Variants in FOXA1 observed in about 807,000 individuals in gnomAD.
FOXA1 encodes forkhead box A1, also known as hepatocyte nuclear factor 3-alpha.
Under a neutral mutation model 29.2 loss-of-function variants are expected in FOXA1, and 9 were observed. The observed-to-expected ratio is 0.31, with a 90% CI of 0.19 to 0.54. FOXA1 has a LOEUF of 0.54. Among genes scored for constraint, FOXA1 ranks in the 20% least tolerant of loss-of-function variants. The pLI is 0.95. For synonymous variants in FOXA1, 340 were observed against 300.9 expected (o/e 1.13, Z -1.34); for missense variants, 644 against 681.2 (o/e 0.95, Z 0.61).
Position 37,591,017 on chromosome 14 carries a change from A to T in FOXA1, c.*348T>A. The T allele has an allele frequency of 2.4e-6, 1 of 411,756 alleles. No individual in the cohort carries two copies. The highest frequency in any genetic ancestry group is 4.5e-6 in the Non-Finnish European group (1 of 223,530). 25.5% of individuals were successfully genotyped at this position (411,756 alleles called of 1,614,324 possible). A position where few individuals can be genotyped will look rare whatever the true frequency, so the allele number is the denominator to read the frequency against. ...CCATCTTCCTTTTTTGTTTTTTTAA[A>T]TAACCCTCCACAAACTAGAATGTCT... On this transcript the variant is annotated 3_prime_UTR_variant, in exon 2 of 2. Coordinates refer to ENST00000250448, the MANE Select transcript of FOXA1 (RefSeq NM_004496.5).
At position 37,594,933 on chromosome 14, in the gene FOXA1, C is replaced by A; in HGVS notation, c.40G>T (p.Asp14Tyr). 6.3e-7 allele frequency: 1 copy of A among 1,579,446 alleles called. No individual in the cohort carries two copies. Among genetic ancestry groups the A allele is most frequent in the Non-Finnish European group, 8.6e-7 (1 of 1,157,562 alleles). The change falls in exon 1 of 2, where the codon GAC becomes TAC. Residue 14 changes from aspartate to tyrosine, a missense_variant. Asp to Tyr is a radical substitution (Grantham distance 160, BLOSUM62 -3). Transcript: ENST00000250448. Reference protein sequence around the residue: ...TVKMEGHETSDWNSYYADTQE... With the variant: ...TVKMEGHETSYWNSYYADTQE... ...GTGTCTGCGTAGTAGCTGTTCCAGT[C>A]GCTGGTTTCATGCCCTTCCATCTTC...
intron 1 of FOXA1, chr14:37,594,253 T>C (rs1317370944): frequency 7.9e-6 from 10 of 1,265,006 alleles, no homozygotes; most frequent in Non-Finnish European, 9.2e-6. Context: ...TTTGTGCACA[T>C]TGTAAAAATA....
rs1326558043 is a variant in FOXA1 at position 37,590,628 on chromosome 14, T to C, written c.*737A>G. 8.8e-6 allele frequency: 2 copies of C among 227,212 alleles called. No individual in the cohort carries two copies. Among genetic ancestry groups the C allele is most frequent in the African/African-American group, 2.2e-5 (1 of 44,986 alleles). 14.1% of individuals were successfully genotyped at this position (227,212 alleles called of 1,614,324 possible). A position where few individuals can be genotyped will look rare whatever the true frequency, so the allele number is the denominator to read the frequency against. On this transcript the variant is annotated 3_prime_UTR_variant, in exon 2 of 2. Transcript: ENST00000250448. Reference sequence around the variant, plus strand: ...CGGTCAAGCAACTCTTGAGAATGTATCATGTATATCACCTATCTATTACCT... The same window carrying C: ...CGGTCAAGCAACTCTTGAGAATGTACCATGTATATCACCTATCTATTACCT...
intron 1 of FOXA1, chr14:37,594,243 T>A: frequency 7.9e-7 from 1 of 1,270,452 alleles, no homozygotes; most frequent in Non-Finnish European, 1.0e-6. Flanking sequence ...CTGTAATCCT[T>A]TTGTGCACAT....
intron 1 of FOXA1, 30 bp from the exon 2 acceptor site, chr14:37,592,741 C>T: frequency 6.2e-7 from 1 of 1,605,646 alleles, no homozygotes; most frequent in East Asian, 2.2e-5. Context: ...TGAAGAAGCC[C>T]CGGAGGGCGG....
intron 1 of FOXA1, 66 bp from the exon 2 acceptor site, chr14:37,592,777 G>GC: frequency 1.9e-6 from 3 of 1,592,880 alleles, no homozygotes; most frequent in Non-Finnish European, 2.6e-6. Context: ...CTGGAGGGCG[G>GC]CCGTCCGGGA....
chr14:37,591,880 T>G lies in FOXA1; in HGVS notation c.904A>C (p.Asn302His), dbSNP rs2095596026. The G allele has an allele frequency of 6.9e-7, 1 of 1,455,198 alleles. No homozygotes were observed. Among genetic ancestry groups the G allele is most frequent in the African/African-American group, 1.4e-5 (1 of 69,988 alleles). The allele number at this position is 1,455,198 out of a possible 1,614,324, so 90.1% of individuals were successfully genotyped here. A position where few individuals can be genotyped will look rare whatever the true frequency, so the allele number is the denominator to read the frequency against. ...ESRKDPSGASNPSADSPLHRG... is the reference protein window; with the variant it reads ...ESRKDPSGASHPSADSPLHRG... ...TGGAGGGGCGAGTCGGCGCTGGGGT[T>G]AGAGGCGCCAGAGGGGTCCTTGCGG... Residue 302 changes from asparagine to histidine, a missense_variant, in exon 2 of 2, where the codon AAC becomes CAC. Transcript: ENST00000250448.
intron 1 of FOXA1, 102 bp downstream of exon 1, chr14:37,594,799 G>C (rs2095600460): frequency 4.0e-5 from 29 of 720,068 alleles, no homozygotes; most frequent in Non-Finnish European, 5.0e-5. Context: ...AGGCGCCCCC[G>C]GCCCGCCTGC....
Position 37,590,921 on chromosome 14 carries a change from C to G in FOXA1, c.*444G>C, listed in dbSNP as rs2095594839. On this transcript the variant is annotated 3_prime_UTR_variant, in exon 2 of 2. Transcript: ENST00000250448. ...ATTCTTATGGTTAAGAGTATTGCCACAGACCTGTAAACTCGTAGGGGGTCA... is the reference window on the plus strand; with the variant it reads ...ATTCTTATGGTTAAGAGTATTGCCAGAGACCTGTAAACTCGTAGGGGGTCA... The G allele has an allele frequency of 2.8e-6, 1 of 358,334 alleles. No homozygotes were observed. The highest frequency in any genetic ancestry group is 2.1e-5 in the African/African-American group (1 of 48,450). The allele number at this position is 358,334 out of a possible 1,614,324, so 22.2% of individuals were successfully genotyped here.
At position 37,592,148 on chromosome 14, in the gene FOXA1, C is replaced by T; in HGVS notation, c.636G>A (p.Gln212=). ...DLFPYYRQNQ[Q]RWQNSIRHSL... is the part of the protein sequence containing the mutation. ...AGTGGCGGATGGAGTTCTGCCAGCG[C>T]TGCTGGTTCTGCCGGTAATAGGGGA... The change falls in exon 2 of 2, where the codon CAG becomes CAA. Residue 212 remains glutamine (Q), a synonymous_variant. Coordinates refer to ENST00000250448, the MANE Select transcript of FOXA1 (RefSeq NM_004496.5). 6.2e-7 allele frequency: 1 copy of T among 1,613,356 alleles called. No homozygotes were observed. The highest frequency in any genetic ancestry group is 1.3e-5 in the African/African-American group (1 of 75,008).
At position 37,591,023 on chromosome 14, in the gene FOXA1, C is replaced by T; in HGVS notation, c.*342G>A. On this transcript the variant is annotated 3_prime_UTR_variant, in exon 2 of 2. Transcript: ENST00000250448. Reference sequence around the variant, plus strand: ...TCCTTTTTTGTTTTTTTAAATAACCCTCCACAAACTAGAATGTCTGGAGGG... The same window carrying T: ...TCCTTTTTTGTTTTTTTAAATAACCTTCCACAAACTAGAATGTCTGGAGGG... The T allele has an allele frequency of 2.4e-6, 1 of 417,498 alleles. No homozygotes were observed. Among genetic ancestry groups the T allele is most frequent in the South Asian group, 2.7e-5 (1 of 37,032 alleles). 25.9% of individuals were successfully genotyped at this position (417,498 alleles called of 1,614,324 possible).
intron 1 of FOXA1, chr14:37,594,092 C>A: frequency 7.9e-7 from 1 of 1,264,616 alleles, no homozygotes. Context: ...GCTTTATTTT[C>A]TTTCCCTCTT....
chr14:37,593,938 A>T, intron 1 of FOXA1: 1 of 487,206 alleles, frequency 2.1e-6, no homozygotes, highest in Non-Finnish European at 3.0e-6. Flanking sequence ...AGATTTAAAT[A>T]GGAACACCCA....
At position 37,594,961 on chromosome 14, in the gene FOXA1, A is replaced by G; in HGVS notation, c.12T>C (p.Thr4=). The G allele has an allele frequency of 6.4e-7, 1 of 1,571,500 alleles. No individual in the cohort carries two copies. The highest frequency in any genetic ancestry group is 8.7e-7 in the Non-Finnish European group (1 of 1,152,506). The change falls in exon 1 of 2, where the codon ACT becomes ACC. Residue 4 remains threonine, a synonymous_variant. Coordinates refer to ENST00000250448, the MANE Select transcript of FOXA1 (RefSeq NM_004496.5). MLG[T]VKMEGHETSD... ...TGGTTTCATGCCCTTCCATCTTCACAGTTCCTAACATCCTGGAGCCACCCT... is the reference window on the plus strand; with the variant it reads ...TGGTTTCATGCCCTTCCATCTTCACGGTTCCTAACATCCTGGAGCCACCCT...
In FOXA1 at chr14:37,589,850, TC is replaced by T; in HGVS notation, c.*1514del. 1 of 230,506 alleles carries T rather than the reference TC, an allele frequency of 4.3e-6. No homozygotes were observed. Among genetic ancestry groups the T allele is most frequent in the Non-Finnish European group, 8.6e-6 (1 of 116,408 alleles). The allele number at this position is 230,506 out of a possible 1,614,324, so 14.3% of individuals were successfully genotyped here. A position where few individuals can be genotyped will look rare whatever the true frequency, so the allele number is the denominator to read the frequency against. ...TCACTCCTTTTTACTAGCTACACAT[TC>T]ATTATAACAACAGACAAAACAATTT... On this transcript the variant is annotated 3_prime_UTR_variant, in exon 2 of 2. Coordinates refer to ENST00000250448, the MANE Select transcript of FOXA1 (RefSeq NM_004496.5).
At chr14:37,592,925 A>T (rs564460969) in intron 1 of FOXA1, among the ~76,000 whole-genome samples, 1 of 152,336 alleles carries the variant, frequency 6.6e-6, no homozygotes, top group African/African-American at 2.4e-5. Context: ...GCAGGCATGA[A>T]AGATAAACGC....
chr14:37,592,743 G>A (rs200547031), intron 1 of FOXA1, 32 bp from the exon 2 acceptor site: 18 of 1,605,008 alleles, frequency 1.1e-5, no homozygotes, highest in Non-Finnish European at 1.4e-5. Flanking sequence ...AAGAAGCCCC[G>A]GAGGGCGGGG....
In FOXA1 at chr14:37,592,480, T is replaced by C. The variant is rs2139183600; in HGVS notation, c.304A>G (p.Thr102Ala). The C allele has an allele frequency of 6.2e-7, 1 of 1,608,142 alleles. No individual in the cohort carries two copies. ...AMNSMTAAGV[T>A]AMGTALSPSG... Reference sequence around the variant, plus strand: ...GGGCTCAGCGCCGTACCCATGGCCGTCACGCCGGCCGCAGTCATGCTGTTC... The same window carrying C: ...GGGCTCAGCGCCGTACCCATGGCCGCCACGCCGGCCGCAGTCATGCTGTTC... Residue 102 changes from threonine (T) to alanine (A), a missense_variant, in exon 2 of 2, where the codon ACG becomes GCG. Coordinates refer to ENST00000250448, the MANE Select transcript of FOXA1 (RefSeq NM_004496.5).
rs2139183138 is a variant in FOXA1, at chr14:37,592,358, C to T, written c.426G>A (p.Ala142=). The T allele has an allele frequency of 6.3e-7, 1 of 1,598,192 alleles. No homozygotes were observed. The highest frequency in any genetic ancestry group is 8.5e-7 in the Non-Finnish European group (1 of 1,173,976). Residue 142 remains alanine (A), a synonymous_variant, in exon 2 of 2, where the codon GCG becomes GCA. Coordinates refer to ENST00000250448, the MANE Select transcript of FOXA1 (RefSeq NM_004496.5). ...AAMNPCMSPM[A]YAPSNLGRSR... is the part of the protein sequence containing the mutation. ...TGCGGCCCAGGTTGGACGGCGCGTA[C>T]GCCATGGGGCTCATGCACGGGTTCA... is the stretch of plus-strand genomic sequence containing the variant.
Sources: allele counts gnomAD v4.1 joint callset (sites outside exome capture counted in the v4.1 genomes callset), GRCh38; gene constraint gnomAD v4.1.1; transcripts MANE v1.5; gene names NCBI Gene and HGNC (gene_info 2026-07-23, HGNC 2026-07-21).